The following RASGRF2 variants were observed in gnomAD, a reference collection of about 807,000 sequenced individuals.
RASGRF2 encodes the protein Ras protein specific guanine nucleotide releasing factor 2.
RASGRF2 carries 76 observed loss-of-function variants against 151.0 expected under a neutral mutation model. The observed-to-expected ratio is 0.50, with a 90% CI of 0.42 to 0.61. The LOEUF is 0.61. Among genes scored for constraint, RASGRF2 ranks in the 20% least tolerant of loss-of-function variants. The probability of loss-of-function intolerance (pLI) is 0.00; values close to 1 mark genes in which losing one functional copy is unlikely to be tolerated. For synonymous variants in RASGRF2, 504 were observed against 566.5 expected, an observed-to-expected ratio of 0.89 and a Z score of 1.57; for missense variants, 1,148 against 1,564.6, an observed-to-expected ratio of 0.73 and a Z score of 4.49.
intron 15 of RASGRF2, among the ~76,000 whole-genome samples, chr5:81,116,828 G>A (rs900356436): frequency 6.6e-6 from 1 of 152,120 alleles, no homozygotes; most frequent in Admixed American, 6.6e-5. Context: ...TTAGTGTAAT[G>A]TCCTCAAGGT....
intron 17 of RASGRF2, among the ~76,000 whole-genome samples, chr5:81,153,994 G>A (rs939253521): frequency 6.0e-5 from 9 of 150,236 alleles, no homozygotes; most frequent in Admixed American, 2.0e-4. Flanking sequence ...GAAAACACAG[G>A]CAATTCTTCA....
chr5:80,976,681 T>C (rs1748124961), intron 1 of RASGRF2, among the ~76,000 whole-genome samples: 1 of 152,182 alleles, frequency 6.6e-6, no homozygotes, highest in Non-Finnish European at 1.5e-5. Flanking sequence ...TCCTTCTTGG[T>C]GTCTGCCCAG....
chr5:81,046,392 A>G (rs1169958389), intron 2 of RASGRF2, among the ~76,000 whole-genome samples: 1 of 152,132 alleles, frequency 6.6e-6, no homozygotes, highest in African/African-American at 2.4e-5. Context: ...CCCAGAAAAA[A>G]AAAATCGTTT....
intron 17 of RASGRF2, among the ~76,000 whole-genome samples, chr5:81,134,079 C>CGT (rs139770057): frequency 0.07 from 10,119 of 143,720 alleles, 533 homozygotes; most frequent in Middle Eastern, 0.17. Context: ...TGCTTGTGTG[C>CGT]GTGTGTGTGT....
At chr5:81,195,520 A>G (rs1255294156) in intron 18 of RASGRF2, among the ~76,000 whole-genome samples, 1 of 151,900 alleles carries the variant, frequency 6.6e-6, no homozygotes, top group Non-Finnish European at 1.5e-5. Context: ...CATTCTAGGT[A>G]GTACATCAGA....
At chr5:81,064,822 G>A (rs1333550951) in intron 2 of RASGRF2, among the ~76,000 whole-genome samples, 1 of 152,206 alleles carries the variant, frequency 6.6e-6, no homozygotes, top group East Asian at 1.9e-4. Context: ...ATGGAAACAT[G>A]ATGGGATAGT....
intron 1 of RASGRF2, among the ~76,000 whole-genome samples, chr5:80,993,749 A>G (rs1160358150): frequency 6.6e-6 from 1 of 152,184 alleles, no homozygotes; most frequent in Non-Finnish European, 1.5e-5. Context: ...ATTATTTGAC[A>G]AAAGCCATAG....
intron 1 of RASGRF2, among the ~76,000 whole-genome samples, chr5:80,965,278 C>T (rs141568064): frequency 2.5e-3 from 379 of 152,050 alleles, no homozygotes; most frequent in African/African-American, 8.8e-3. Context: ...TACTACTTCA[C>T]GTTGTCTAAT....
intron 2 of RASGRF2, among the ~76,000 whole-genome samples, chr5:81,048,259 TG>T (rs1375830990): frequency 1.3e-5 from 2 of 152,150 alleles, no homozygotes; most frequent in Non-Finnish European, 2.9e-5. Flanking sequence ...AAGATGAAAA[TG>T]TGGATTTTGT....
chr5:81,047,184 C>T (rs952131557), intron 2 of RASGRF2, among the ~76,000 whole-genome samples: 3 of 152,058 alleles, frequency 2.0e-5, no homozygotes, highest in Non-Finnish European at 4.4e-5. Flanking sequence ...GCAATTTCTG[C>T]TGGAAATTGG....
At chr5:81,022,649 T>C (rs1749869744) in intron 1 of RASGRF2, among the ~76,000 whole-genome samples, 1 of 152,178 alleles carries the variant, frequency 6.6e-6, no homozygotes, top group Non-Finnish European at 1.5e-5. Context: ...TCCACGTACC[T>C]CGGACCTCTC....
intron 1 of RASGRF2, among the ~76,000 whole-genome samples, chr5:80,963,380 C>G (rs1432770429): frequency 1.3e-5 from 2 of 152,164 alleles, no homozygotes; most frequent in Non-Finnish European, 2.9e-5. Flanking sequence ...CTTAGTGAGG[C>G]AGAGTCATTT....
intron 18 of RASGRF2, among the ~76,000 whole-genome samples, chr5:81,187,881 G>C: frequency 6.6e-6 from 1 of 152,228 alleles, no homozygotes; most frequent in East Asian, 1.9e-4. Context: ...GCATTGCCTA[G>C]TGAAACACAA....
chr5:81,108,141 C>T (rs1305602979), intron 12 of RASGRF2, among the ~76,000 whole-genome samples: 1 of 152,234 alleles, frequency 6.6e-6, no homozygotes, highest in Non-Finnish European at 1.5e-5. Context: ...AGCCACAAAA[C>T]ACTATATAGT....
chr5:81,073,600 T>C (rs1203543898), intron 5 of RASGRF2, 148 bp downstream of exon 5: 3 of 808,068 alleles, frequency 3.7e-6, no homozygotes, highest in Non-Finnish European at 5.1e-6. Context: ...TTGTGTTCCA[T>C]TGTTATTTTA....
chr5:81,171,837 A>G (rs1206741571), intron 17 of RASGRF2, among the ~76,000 whole-genome samples: 1 of 152,098 alleles, frequency 6.6e-6, no homozygotes, highest in Non-Finnish European at 1.5e-5. Context: ...CTGTGGCTTC[A>G]CCTCACACTA....
intron 5 of RASGRF2, among the ~76,000 whole-genome samples, chr5:81,079,110 T>C (rs1028836219): frequency 6.6e-6 from 1 of 152,302 alleles, no homozygotes; most frequent in East Asian, 1.9e-4. Context: ...CATCTATTAG[T>C]GGAACTGAAT....
chr5:80,986,479 T>C (rs1748476337), intron 1 of RASGRF2, among the ~76,000 whole-genome samples: 1 of 152,230 alleles, frequency 6.6e-6, no homozygotes, highest in South Asian at 2.1e-4. Context: ...AGTACAGGTA[T>C]GTAGTTAGTT....
intron 1 of RASGRF2, among the ~76,000 whole-genome samples, chr5:81,010,557 G>A (rs1388814912): frequency 6.6e-6 from 1 of 152,190 alleles, no homozygotes; most frequent in Non-Finnish European, 1.5e-5. Flanking sequence ...AAAGTTCTAG[G>A]TAGTGCACAT....
Sources: gnomAD v4.1 joint callset for allele counts (sites outside exome capture counted in the v4.1 genomes callset) on GRCh38, gnomAD v4.1.1 for gene constraint, MANE v1.5 for transcripts, NCBI Gene and HGNC (gene_info 2026-07-23, HGNC 2026-07-21) for gene names.